Variants in NECTIN1 observed in about 807,000 individuals in gnomAD.
NECTIN1 encodes the protein nectin cell adhesion molecule 1.
In NECTIN1, 23 loss-of-function variants were observed where a neutral mutation model predicts 48.0. The ratio of observed to expected loss-of-function variants is 0.48; its 90% CI spans 0.34 to 0.68. The LOEUF (loss-of-function observed/expected upper bound fraction) is 0.68, where lower values mean the gene tolerates loss of function less well. Ranked by LOEUF, NECTIN1 falls within the 30% of genes least tolerant of loss-of-function variation. NECTIN1 has a pLI of 0.01. For missense variants in NECTIN1, 591 were observed against 709.9 expected (o/e 0.83, Z 1.90); for synonymous variants, 270 against 288.9 (o/e 0.93, Z 0.66).
intron 5 of NECTIN1, among the ~76,000 whole-genome samples, chr11:119,653,262 G>A (rs577789585): frequency 5.3e-5 from 8 of 152,306 alleles, no homozygotes; most frequent in African/African-American, 1.9e-4. Context: ...ACCTTACACA[G>A]GATCCCGGCA....
intron 1 of NECTIN1, among the ~76,000 whole-genome samples, chr11:119,699,914 G>A (rs572219973): frequency 1.3e-5 from 2 of 152,274 alleles, no homozygotes; most frequent in South Asian, 2.1e-4. Context: ...CTAGCTCTGT[G>A]GAAAAATCAC....
chr11:119,638,156 A>G, exon 8 of NECTIN1: 1 of 1,613,270 alleles, frequency 6.2e-7, no homozygotes, highest in Non-Finnish European at 8.5e-7. Context: ...GGAGGGGGAG[A>G]CCCCCAGATC....
At chr11:119,670,496 G>A (rs780094540) in intron 5 of NECTIN1, among the ~76,000 whole-genome samples, 4 of 152,140 alleles carry the variant, frequency 2.6e-5, no homozygotes, top group Non-Finnish European at 5.9e-5. Flanking sequence ...GTATTGTAAG[G>A]AGAGACTCGA....
intron 1 of NECTIN1, among the ~76,000 whole-genome samples, chr11:119,694,966 T>C (rs1398957788): frequency 6.6e-6 from 1 of 151,812 alleles, no homozygotes; most frequent in Non-Finnish European, 1.5e-5. Flanking sequence ...GCCATTCAGC[T>C]CCCTCGGCTC....
downstream of NECTIN1, chr11:119,660,887 T>TG (rs201968696): frequency 1.3e-3 from 710 of 560,900 alleles, 7 homozygotes; most frequent in African/African-American, 0.012. Flanking sequence ...GGACATGGGG[T>TG]GGGGGGTCCC....
intron 1 of NECTIN1, among the ~76,000 whole-genome samples, chr11:119,691,951 T>C (rs1253547206): frequency 6.6e-6 from 1 of 152,104 alleles, no homozygotes; most frequent in Non-Finnish European, 1.5e-5. Flanking sequence ...TGCCGCGGCC[T>C]GTCTTCTTCC....
At chr11:119,721,316 G>A (rs982555147) in intron 1 of NECTIN1, among the ~76,000 whole-genome samples, 1 of 152,148 alleles carries the variant, frequency 6.6e-6, no homozygotes, top group Non-Finnish European at 1.5e-5. Context: ...TTCCAGCTTT[G>A]GGAAGCAAGA....
chr11:119,689,292 C>T (rs934427088), intron 1 of NECTIN1, among the ~76,000 whole-genome samples: 3 of 152,188 alleles, frequency 2.0e-5, no homozygotes, highest in African/African-American at 7.2e-5. Context: ...TGCAGACTTG[C>T]AGGTGGTTCC....
chr11:119,688,022 T>C (rs1156353302), intron 1 of NECTIN1, among the ~76,000 whole-genome samples: 3 of 151,808 alleles, frequency 2.0e-5, no homozygotes, highest in Non-Finnish European at 4.4e-5. Context: ...AAGAGGAACA[T>C]GGCAGCGGGG....
chr11:119,668,504 C>A (rs1864813245), intron 5 of NECTIN1, among the ~76,000 whole-genome samples: 1 of 152,178 alleles, frequency 6.6e-6, no homozygotes, highest in Non-Finnish European at 1.5e-5. Flanking sequence ...CCTTGTTATC[C>A]AAGTTGATTC....
chr11:119,668,975 T>TA (rs1184371241), intron 5 of NECTIN1, among the ~76,000 whole-genome samples: 1 of 152,126 alleles, frequency 6.6e-6, no homozygotes, highest in Non-Finnish European at 1.5e-5. Flanking sequence ...AGAGACCCAA[T>TA]AAAAAATAAA....
chr11:119,709,239 T>C lies in NECTIN1; in HGVS notation c.79+19236A>G, dbSNP rs367670547. ...GAAATTAGGGCAGAAAATAACACCG[T>C]GAAAACAGAACTGTCTGTTCAGAAA... is the stretch of plus-strand genomic sequence containing the variant. On this transcript the variant is annotated intron_variant, in intron 1 of 5. Coordinates refer to ENST00000264025, the MANE Select transcript of NECTIN1 (RefSeq NM_002855.5). This position sits in a 1 kb window ranked among gnomAD's most constrained non-coding sequence, Gnocchi z 4.1. Among the ~76,000 whole-genome samples the C allele has an allele frequency of 2.1e-4, 32 of 152,120 alleles. No individual in the cohort carries two copies. Among genetic ancestry groups the C allele is most frequent in the African/African-American group, 7.2e-4 (30 of 41,496 alleles).
chr11:119,722,903 C>T (rs970357738), intron 1 of NECTIN1, among the ~76,000 whole-genome samples: 1 of 152,266 alleles, frequency 6.6e-6, no homozygotes, highest in Non-Finnish European at 1.5e-5. Context: ...ATACAACATT[C>T]TCAATCTCAT....
At chr11:119,716,005 A>G (rs1332786498) in intron 1 of NECTIN1, among the ~76,000 whole-genome samples, 1 of 152,160 alleles carries the variant, frequency 6.6e-6, no homozygotes, top group African/African-American at 2.4e-5. Flanking sequence ...CTCTCCCACA[A>G]CACATCCAGG....
chr11:119,722,022 T>A (rs184524667), intron 1 of NECTIN1, among the ~76,000 whole-genome samples: 19 of 152,326 alleles, frequency 1.2e-4, no homozygotes, highest in African/African-American at 4.6e-4. Flanking sequence ...CCATGGACAC[T>A]TTCTAACATC....
chr11:119,698,484 G>A (rs1591474103), intron 1 of NECTIN1, among the ~76,000 whole-genome samples: 1 of 152,222 alleles, frequency 6.6e-6, no homozygotes, highest in South Asian at 2.1e-4. Context: ...TATTATAAGG[G>A]AAGCACAATC....
intron 5 of NECTIN1, among the ~76,000 whole-genome samples, chr11:119,655,588 T>C (rs2037234717): frequency 6.6e-6 from 1 of 152,228 alleles, no homozygotes; most frequent in Non-Finnish European, 1.5e-5. Flanking sequence ...CTAAGTGGCC[T>C]GATGACGATA....
At chr11:119,647,254 T>A (rs75244638) in intron 5 of NECTIN1, among the ~76,000 whole-genome samples, 1 of 144,086 alleles carries the variant, frequency 6.9e-6, no homozygotes, top group Admixed American at 7.1e-5. Context: ...GGGTTGAGGA[T>A]TGTCACTTCC....
At chr11:119,705,077 G>A (rs992259783) in intron 1 of NECTIN1, among the ~76,000 whole-genome samples, 1 of 152,198 alleles carries the variant, frequency 6.6e-6, no homozygotes, top group Non-Finnish European at 1.5e-5. Flanking sequence ...AGGCTCTACG[G>A]GAGGCCAGCC....
Sources: allele counts gnomAD v4.1 joint callset (sites outside exome capture counted in the v4.1 genomes callset), GRCh38; gene constraint gnomAD v4.1.1; non-coding constraint Gnocchi (gnomAD v3.1); transcripts MANE v1.5; gene names NCBI Gene and HGNC (gene_info 2026-07-23, HGNC 2026-07-21).